The following KIF18B variants were observed in gnomAD, a reference collection of about 807,000 sequenced individuals.
KIF18B encodes the protein kinesin family member 18B.
A neutral mutation model predicts 80.9 loss-of-function variants in KIF18B; 49 were observed. The ratio of observed to expected loss-of-function variants is 0.61; its 90% CI spans 0.48 to 0.77. The LOEUF is 0.77. Among genes scored for constraint, KIF18B ranks in the 30% least tolerant of loss-of-function variants. The pLI, the probability that KIF18B is intolerant of heterozygous loss-of-function variation, is 0.00. For missense variants in KIF18B, 994 were observed against 1,127.7 expected (o/e 0.88, Z 1.70); for synonymous variants, 439 against 463.9 (o/e 0.95, Z 0.69).
rs201690853 is a variant in KIF18B, at chr17:44,934,605, C to G, written c.589G>C (p.Glu197Gln). 255 of 1,606,576 alleles carry G rather than the reference C, an allele frequency of 1.6e-4. No individual in the cohort carries two copies. The highest frequency in any genetic ancestry group is 5.0e-4 in the Middle Eastern group (3 of 6,022). ...CTGGTCAGTATCTCCAGCAGCTGCT[C>G]GGCTGAGGCTGGCTACAGAGGAGAA... ...GLSFHQPASA[E>Q]QLLEILTRGN... The change falls in exon 5 of 16, where the codon GAG (glutamate) becomes CAG (glutamine). Residue 197 changes from glutamate (E) to glutamine (Q), a missense_variant. Coordinates refer to ENST00000593135, the MANE Select transcript of KIF18B (RefSeq NM_001265577.2). The surrounding 1 kb of genome is among the most constrained non-coding windows in gnomAD (Gnocchi z 5.4).
Position 44,928,262 on chromosome 17 carries a change from G to C in KIF18B, c.2040C>G (p.Ala680=). The C allele has an allele frequency of 6.2e-7, 1 of 1,613,510 alleles. No homozygotes were observed. The highest frequency in any genetic ancestry group is 1.3e-5 in the African/African-American group (1 of 75,022). Residue 680 remains alanine, a synonymous_variant, in exon 13 of 16, where the codon GCC becomes GCG. Coordinates refer to ENST00000593135, the MANE Select transcript of KIF18B (RefSeq NM_001265577.2). ...CGCGAGGGGAATGGCAGGGGGAGGAGGCCCTTTCTCCTTTGGGGGTGCTGG... is the reference window on the plus strand; with the variant it reads ...CGCGAGGGGAATGGCAGGGGGAGGACGCCCTTTCTCCTTTGGGGGTGCTGG... The part of the protein sequence containing the change: ...QGPSTPKGER[A]SSPCHSPRVC...
rs771981588 is a variant in KIF18B, at chr17:44,926,484, A to G, written c.2382T>C (p.His794=). The G allele has an allele frequency of 6.3e-7, 1 of 1,587,958 alleles. No individual in the cohort carries two copies. Among genetic ancestry groups the G allele is most frequent in the African/African-American group, 1.3e-5 (1 of 74,362 alleles). The change falls in exon 15 of 16, where the codon CAT becomes CAC. Residue 794 remains histidine (H), a synonymous_variant. Transcript: ENST00000593135. ...KKRVASSSVS[H]GRSRIARLPS... is the part of the protein sequence containing the mutation. ...GGAGGCGGGCGATGCGGCTGCGGCC[A>G]TGGGAGACTGAGGAACTGAGGGAGG...
At chr17:44,932,845 G>A (rs558928909) in intron 8 of KIF18B, 67 bp downstream of exon 8, 46 of 1,574,984 alleles carry the variant, frequency 2.9e-5, no homozygotes, top group Middle Eastern at 1.7e-4. Flanking sequence ...CAGAGCCCCC[G>A]CCACACCCTC....
chr17:44,941,912 G>A (rs1330043450), intron 1 of KIF18B, among the ~76,000 whole-genome samples: 1 of 152,178 alleles, frequency 6.6e-6, no homozygotes, highest in African/African-American at 2.4e-5. Flanking sequence ...GTGTGGCTGA[G>A]TCTGTTTGCC....
intron 1 of KIF18B, among the ~76,000 whole-genome samples, chr17:44,944,062 A>C (rs1478380654): frequency 6.6e-6 from 1 of 152,124 alleles, no homozygotes; most frequent in East Asian, 1.9e-4. Context: ...TTTGCTCTTT[A>C]AATCTCTAAA....
chr17:44,935,161 T>A (rs2052254954), intron 3 of KIF18B, 98 bp downstream of exon 3: 1 of 1,315,658 alleles, frequency 7.6e-7, no homozygotes, highest in Non-Finnish European at 1.0e-6. Flanking sequence ...CAGCTCTCCA[T>A]TTCCTGCCAC....
rs1035179435 is a variant in KIF18B, at chr17:44,926,078, G to A, written c.*2C>T. ...ACCTTGGTGGTCAGGACATTCTGGC[G>A]GTCAGGACACCTTGGTGACGCCGTT... On this transcript the variant is annotated 3_prime_UTR_variant, in exon 16 of 16. Transcript: ENST00000593135. The A allele has an allele frequency of 4.0e-5, 65 of 1,613,870 alleles. No homozygotes were observed. Among genetic ancestry groups the A allele is most frequent in the Admixed American group, 3.0e-4 (18 of 60,002 alleles).
intron 1 of KIF18B, among the ~76,000 whole-genome samples, chr17:44,942,342 G>A (rs2052435767): frequency 6.6e-6 from 1 of 152,212 alleles, no homozygotes; most frequent in Non-Finnish European, 1.5e-5. Context: ...GGCTGGGGCT[G>A]GGAAGCCAAG....
In KIF18B at chr17:44,931,647, A is replaced by G. The variant is rs1239994526; in HGVS notation, c.1472T>C (p.Val491Ala). The G allele has an allele frequency of 6.2e-7, 1 of 1,613,902 alleles. No individual in the cohort carries two copies. The highest frequency in any genetic ancestry group is 8.5e-7 in the Non-Finnish European group (1 of 1,179,890). Reference protein sequence around the residue: ...PRLTLQPKPVVGHFSARELDG... With the variant: ...PRLTLQPKPVAGHFSARELDG... Reference sequence around the variant, plus strand: ...CAGTTCCCGTGCTGAGAAGTGGCCCACGACTGGCTTGGGCTGCAGGGTCAG... The same window carrying G: ...CAGTTCCCGTGCTGAGAAGTGGCCCGCGACTGGCTTGGGCTGCAGGGTCAG... Residue 491 changes from valine to alanine, a missense_variant, in exon 11 of 16, where the codon GTG (valine) becomes GCG (alanine). Physicochemically the swap from Val to Ala is moderately conservative, Grantham distance 64. Transcript: ENST00000593135.
intron 7 of KIF18B, 23 bp from the exon 8 acceptor site, chr17:44,933,009 G>T: frequency 6.3e-7 from 1 of 1,591,960 alleles, no homozygotes; most frequent in Non-Finnish European, 8.6e-7. Flanking sequence ...ACAGGAGAGA[G>T]ATTTATTTGT....
chr17:44,928,052 G>C lies in KIF18B; in HGVS notation c.2250C>G (p.Ser750Arg). Residue 750 changes from serine (S) to arginine (R), a missense_variant, in exon 13 of 16, where the codon AGC (serine) becomes AGG (arginine). Coordinates refer to ENST00000593135, the MANE Select transcript of KIF18B (RefSeq NM_001265577.2). ...TGGGGATGAAGGGCTGGTCCAGCCTGCTCAGCTCCTGGGGTATTTTGTCCC... is the reference window on the plus strand; with the variant it reads ...TGGGGATGAAGGGCTGGTCCAGCCTCCTCAGCTCCTGGGGTATTTTGTCCC... ...IGWDKIPQELSRLDQPFIPRA... is the reference protein window; with the variant it reads ...IGWDKIPQELRRLDQPFIPRA... The C allele has an allele frequency of 6.5e-7, 1 of 1,528,670 alleles. No individual in the cohort carries two copies. The highest frequency in any genetic ancestry group is 8.8e-7 in the Non-Finnish European group (1 of 1,138,892). 94.7% of individuals were successfully genotyped at this position (1,528,670 alleles called of 1,614,324 possible). A position where few individuals can be genotyped will look rare whatever the true frequency, so the allele number is the denominator to read the frequency against.
chr17:44,935,186 G>T, intron 3 of KIF18B, 73 bp downstream of exon 3: 1 of 1,446,878 alleles, frequency 6.9e-7, no homozygotes, highest in Non-Finnish European at 9.3e-7. Flanking sequence ...TCCCACACCA[G>T]CTCACTCCAC....
In KIF18B at chr17:44,933,942, G is replaced by T; in HGVS notation, c.1043C>A (p.Ala348Asp). Residue 348 changes from alanine (A) to aspartate (D), a missense_variant, in exon 7 of 16, where the codon GCC (alanine) becomes GAC (aspartate). Coordinates refer to ENST00000593135, the MANE Select transcript of KIF18B (RefSeq NM_001265577.2). Reference protein sequence around the residue: ...TYNTLKYADRAKEIRLSLKSN... With the variant: ...TYNTLKYADRDKEIRLSLKSN... ...ACGCACCGAGAGCCTGATCTCCTTG[G>T]CCCGGTCGGCATATTTGAGGGTGTT... 6.4e-7 allele frequency: 1 copy of T among 1,572,506 alleles called. No homozygotes were observed. The highest frequency in any genetic ancestry group is 8.6e-7 in the Non-Finnish European group (1 of 1,159,478).
Position 44,927,140 on chromosome 17 carries a change from T to G in KIF18B, c.2277-62A>C. The G allele has an allele frequency of 7.8e-7, 1 of 1,286,922 alleles. No homozygotes were observed. Among genetic ancestry groups the G allele is most frequent in the South Asian group, 1.4e-5 (1 of 72,034 alleles). 79.7% of individuals were successfully genotyped at this position (1,286,922 alleles called of 1,614,324 possible). On this transcript the variant is annotated intron_variant, in intron 13 of 15. Coordinates refer to ENST00000593135, the MANE Select transcript of KIF18B (RefSeq NM_001265577.2). This position sits in a 1 kb window ranked among gnomAD's most constrained non-coding sequence, Gnocchi z 4.1. ...GGGAACCGGAAGCAAGGCCAGCCAC[T>G]TCCTCCCTCCAGCCCCCAGCTCGGG...
At chr17:44,936,616 ATATATATATTTTTTTTTT>A (rs1567796151) in intron 1 of KIF18B, among the ~76,000 whole-genome samples, 29 of 79,782 alleles carry the variant, frequency 3.6e-4, no homozygotes, top group African/African-American at 1.2e-3. Flanking sequence ...ATATATATAT[ATATATATATTTTTTTTTT>A]TTTTTTTTTT....
In KIF18B at chr17:44,926,098, G is replaced by A. The variant is rs202063293; in HGVS notation, c.2541C>T (p.Gly847=). The change falls in exon 16 of 16, where the codon GGC becomes GGT. Residue 847 remains glycine (G), a synonymous_variant. Transcript: ENST00000593135. ...RVGRALSAGN[G]VTKVS is the part of the protein sequence containing the mutation. ...CTGGCGGTCAGGACACCTTGGTGAC[G>A]CCGTTCCCTGCTGAGAGTGCTCTCC... The A allele has an allele frequency of 3.5e-5, 56 of 1,613,884 alleles. No individual in the cohort carries two copies. The highest frequency in any genetic ancestry group is 4.5e-5 in the East Asian group (2 of 44,866).
rs1435229571 is a variant in KIF18B at position 44,928,014 on chromosome 17, T to TGG, written c.2276+10_2276+11dup. ...ACTGACAGGAGGGGTGGAGCGAGAC[T>TGG]GGGAGACCCACCTGGGGATGAAGGG... On this transcript the variant is annotated intron_variant, in intron 13 of 15. Transcript: ENST00000593135. The TGG allele has an allele frequency of 2.0e-6, 3 of 1,513,120 alleles. No individual in the cohort carries two copies. Among genetic ancestry groups the TGG allele is most frequent in the Non-Finnish European group, 2.7e-6 (3 of 1,131,426 alleles). The allele number at this position is 1,513,120 out of a possible 1,614,324, so 93.7% of individuals were successfully genotyped here.
rs1211523009 is a variant in KIF18B, at chr17:44,927,509, G to A, written c.2277-431C>T. 2.0e-5 allele frequency among the ~76,000 whole-genome samples: 3 copies of A among 152,236 alleles called. No individual in the cohort carries two copies. Among genetic ancestry groups the A allele is most frequent in the Non-Finnish European group, 4.4e-5 (3 of 68,044 alleles). ...CTGCTGTTCCCCTCCTCTGCCATGT[G>A]TGTGGAAAGGGGGAGTGACAGCTTC... On this transcript the variant is annotated intron_variant, in intron 13 of 15. Coordinates refer to ENST00000593135, the MANE Select transcript of KIF18B (RefSeq NM_001265577.2). This position sits in a 1 kb window ranked among gnomAD's most constrained non-coding sequence, Gnocchi z 4.1.
intron 1 of KIF18B, among the ~76,000 whole-genome samples, chr17:44,946,171 T>A (rs1597901813): frequency 6.6e-6 from 1 of 152,328 alleles, no homozygotes; most frequent in South Asian, 2.1e-4. Context: ...TGTGGCCAGG[T>A]AGAAAAACAA....
Sources: gnomAD v4.1 joint callset for allele counts (sites outside exome capture counted in the v4.1 genomes callset) on GRCh38, gnomAD v4.1.1 for gene constraint, Gnocchi (gnomAD v3.1) non-coding constraint, MANE v1.5 for transcripts, NCBI Gene and HGNC (gene_info 2026-07-23, HGNC 2026-07-21) for gene names.